REN: variants seen among roughly 807,000 people sequenced by gnomAD.
The protein encoded by REN is angiotensin-forming enzyme.
Under a neutral mutation model 48.6 loss-of-function variants are expected in REN, and 42 were observed. That is an observed-to-expected ratio of 0.86 (90% CI 0.68 to 1.12). REN has a LOEUF of 1.12. Ranked by LOEUF, REN falls within the 50% of genes most tolerant of loss-of-function variation. REN has a pLI of 0.00. For synonymous variants in REN, 196 were observed against 204.6 expected, an observed-to-expected ratio of 0.96 and a Z score of 0.36; for missense variants, 443 against 527.3, an observed-to-expected ratio of 0.84 and a Z score of 1.57.
chr1:204,155,156 G>A lies in REN; in HGVS notation c.1081C>T (p.Leu361=). The part of the protein sequence containing the change: ...VFQESYSSKK[L]CTLAIHAMDI... ...ATGGCGTGGATGGCCAGTGTGCACAGCTTTTTACTACTGTAGGATTCCTGG... is the reference window on the plus strand; with the variant it reads ...ATGGCGTGGATGGCCAGTGTGCACAACTTTTTACTACTGTAGGATTCCTGG... The change falls in exon 10 of 10, where the codon CTG becomes TTG. Residue 361 remains leucine (L), a synonymous_variant. Coordinates refer to ENST00000272190, the MANE Select transcript of REN (RefSeq NM_000537.4). 5 of 1,614,214 alleles carry A rather than the reference G, an allele frequency of 3.1e-6. No homozygotes were observed. Among genetic ancestry groups the A allele is most frequent in the Non-Finnish European group, 4.2e-6 (5 of 1,180,014 alleles).
rs567667202 is a variant in REN at position 204,155,860 on chromosome 1, C to A, written c.1019G>T (p.Gly340Val). The A allele has an allele frequency of 6.2e-7, 1 of 1,614,032 alleles. No individual in the cohort carries two copies. Among genetic ancestry groups the A allele is most frequent in the African/African-American group, 1.3e-5 (1 of 75,044 alleles). ...TLPDISFHLGGKEYTLTSADY... is the reference protein window; with the variant it reads ...TLPDISFHLGVKEYTLTSADY... ...CGCGCTGGTGAGCGTGTATTCTTTG[C>A]CTCCCAGGTGGAAAGAGATGTCGGG... The change falls in exon 9 of 10, where the codon GGC becomes GTC. Residue 340 changes from glycine (G) to valine (V), a missense_variant. Gly to Val is a moderately radical substitution (Grantham distance 109). Coordinates refer to ENST00000272190, the MANE Select transcript of REN (RefSeq NM_000537.4).
chr1:204,164,928 G>A (rs984308734), intron 1 of REN, among the ~76,000 whole-genome samples: 4 of 151,648 alleles, frequency 2.6e-5, no homozygotes, highest in African/African-American at 9.7e-5. Flanking sequence ...GGGATGCTAA[G>A]GTTTTCTCCT....
intron 3 of REN, among the ~76,000 whole-genome samples, chr1:204,160,978 G>C (rs144728159): frequency 6.6e-6 from 1 of 152,340 alleles, no homozygotes; most frequent in East Asian, 1.9e-4. Context: ...TGTTGATTAA[G>C]ACTAGGGATG....
intron 1 of REN, among the ~76,000 whole-genome samples, chr1:204,162,428 C>T (rs147544247): frequency 1.3e-5 from 2 of 152,334 alleles, no homozygotes; most frequent in East Asian, 3.9e-4. Context: ...TTAGACAAGG[C>T]TATTTGTTTA....
At chr1:204,165,261 G>A (rs143032845) in intron 1 of REN, among the ~76,000 whole-genome samples, 1 of 152,212 alleles carries the variant, frequency 6.6e-6, no homozygotes, top group African/African-American at 2.4e-5. Context: ...GTGAGCCACT[G>A]CTCCCGGCCA....
intron 4 of REN, among the ~76,000 whole-genome samples, chr1:204,160,087 G>A (rs1431692461): frequency 6.6e-6 from 1 of 152,208 alleles, no homozygotes; most frequent in Non-Finnish European, 1.5e-5. Context: ...CAGGGCCTGA[G>A]AAACTCCAGG....
At chr1:204,165,954 T>C (rs2102316993) in intron 1 of REN, among the ~76,000 whole-genome samples, 1 of 152,300 alleles carries the variant, frequency 6.6e-6, no homozygotes, top group East Asian at 1.9e-4. Context: ...CTAATACTTC[T>C]GAGTTCTCTA....
intron 1 of REN, among the ~76,000 whole-genome samples, chr1:204,164,214 T>G (rs767605732): frequency 2.6e-5 from 4 of 152,194 alleles, no homozygotes; most frequent in Admixed American, 2.0e-4. Flanking sequence ...TCTTACCCAG[T>G]GCTCACAACC....
At chr1:204,155,735 G>C in intron 9 of REN, 85 bp downstream of exon 9, 1 of 1,047,964 alleles carries the variant, frequency 9.5e-7, no homozygotes, top group South Asian at 1.3e-5. Context: ...GTTCTAACAT[G>C]ACCTGTGCAT....
chr1:204,163,054 A>G (rs1363730749), intron 1 of REN, among the ~76,000 whole-genome samples: 1 of 152,172 alleles, frequency 6.6e-6, no homozygotes, highest in Non-Finnish European at 1.5e-5. Flanking sequence ...CCTATTTCCC[A>G]TATAGGGTCC....
At position 204,156,543 on chromosome 1, in the gene REN, C is replaced by A; in HGVS notation, c.818+134G>T. The A allele has an allele frequency of 2.1e-6, 3 of 1,406,400 alleles. No homozygotes were observed. The highest frequency in any genetic ancestry group is 3.0e-6 in the Non-Finnish European group (3 of 1,002,320). 87.1% of individuals were successfully genotyped at this position (1,406,400 alleles called of 1,614,324 possible). A position where few individuals can be genotyped will look rare whatever the true frequency, so the allele number is the denominator to read the frequency against. ...CAGCCTGGACAGAGCAGGCAGAGAG[C>A]AAATGGTGGCTGTGCTTAAGAAGTG... On this transcript the variant is annotated intron_variant, in intron 7 of 9. Transcript: ENST00000272190. This position sits in a 1 kb window ranked among gnomAD's most constrained non-coding sequence, Gnocchi z 4.2.
chr1:204,155,793 C>T (rs1658135912), intron 9 of REN, 27 bp downstream of exon 9: 2 of 1,553,310 alleles, frequency 1.3e-6, no homozygotes, highest in Non-Finnish European at 1.8e-6. Flanking sequence ...TTCTCCCTGC[C>T]ACCGAGGGGG....
chr1:204,163,354 T>A (rs1658283719), intron 1 of REN, among the ~76,000 whole-genome samples: 1 of 152,196 alleles, frequency 6.6e-6, no homozygotes, highest in Admixed American at 6.5e-5. Flanking sequence ...CAGAAATGAT[T>A]TGTTATCTTC....
chr1:204,155,135 C>A lies in REN; in HGVS notation c.1102G>T (p.Ala368Ser). Residue 368 changes from alanine (A) to serine (S), a missense_variant, in exon 10 of 10, where the codon GCC becomes TCC. By Grantham distance (99) the Ala-to-Ser change is moderately conservative (BLOSUM62 1). Transcript: ENST00000272190. ...SKKLCTLAIH[A>S]MDIPPPTGPT... is the part of the protein sequence containing the mutation. ...CCAGTGGGTGGCGGGATATCCATGG[C>A]GTGGATGGCCAGTGTGCACAGCTTT... is the stretch of plus-strand genomic sequence containing the variant. The A allele has an allele frequency of 6.2e-7, 1 of 1,614,240 alleles. No homozygotes were observed. The highest frequency in any genetic ancestry group is 1.1e-5 in the South Asian group (1 of 91,086).
rs368292245 is a variant in REN at position 204,156,937 on chromosome 1, G to C, written c.699-141C>G. On this transcript the variant is annotated intron_variant, in intron 6 of 9. Transcript: ENST00000272190. The surrounding 1 kb of genome is among the most constrained non-coding windows in gnomAD (Gnocchi z 4.2). ...GAATGTGGGACAGACAGCCAGGCTCGGAGCTGTCGTTGGGAAGCATGCAGA... is the reference window on the plus strand; with the variant it reads ...GAATGTGGGACAGACAGCCAGGCTCCGAGCTGTCGTTGGGAAGCATGCAGA... The C allele has an allele frequency of 9.0e-7, 1 of 1,106,368 alleles. No individual in the cohort carries two copies. The allele number at this position is 1,106,368 out of a possible 1,614,324, so 68.5% of individuals were successfully genotyped here.
At position 204,159,476 on chromosome 1, in the gene REN, G is replaced by C; in HGVS notation, c.612C>G (p.Gly204=). ...TGTTGTCGAAGATAGGGGTGACCCT[G>C]CCAATGGCCTGTTCAATGAAGCCCA... The part of the protein sequence containing the change: ...VGMGFIEQAI[G]RVTPIFDNII... The change falls in exon 5 of 10, where the codon GGC becomes GGG. Residue 204 remains glycine, a synonymous_variant. Coordinates refer to ENST00000272190, the MANE Select transcript of REN (RefSeq NM_000537.4). 6.2e-7 allele frequency: 1 copy of C among 1,614,142 alleles called. No individual in the cohort carries two copies. The highest frequency in any genetic ancestry group is 2.2e-5 in the East Asian group (1 of 44,868).
At chr1:204,158,068 A>G (rs1377129972) in intron 5 of REN, among the ~76,000 whole-genome samples, 1 of 150,876 alleles carries the variant, frequency 6.6e-6, no homozygotes, top group African/African-American at 2.4e-5. Flanking sequence ...ATTTAAAAAC[A>G]CCCACCCTTC....
At chr1:204,158,010 C>T (rs199876889) in intron 5 of REN, among the ~76,000 whole-genome samples, 1 of 152,262 alleles carries the variant, frequency 6.6e-6, no homozygotes, top group East Asian at 1.9e-4. Flanking sequence ...TCTTTCTTTC[C>T]ATTGGCTTCT....
chr1:204,165,876 C>T (rs1030467704), intron 1 of REN, among the ~76,000 whole-genome samples: 2 of 152,172 alleles, frequency 1.3e-5, no homozygotes, highest in African/African-American at 4.8e-5. Flanking sequence ...GCAGGAGCCA[C>T]CGCGCCCAAC....
Sources: gnomAD v4.1 joint callset for allele counts (sites outside exome capture counted in the v4.1 genomes callset) on GRCh38, gnomAD v4.1.1 for gene constraint, Gnocchi (gnomAD v3.1) non-coding constraint, MANE v1.5 for transcripts, NCBI Gene and HGNC (gene_info 2026-07-23, HGNC 2026-07-21) for gene names.